The following DYNLRB1 variants were observed in gnomAD, a reference collection of about 807,000 sequenced individuals.
DYNLRB1 encodes the protein ROBL/LC7-like 1.
In DYNLRB1, 6 loss-of-function variants were observed where a neutral mutation model predicts 13.5. The ratio of observed to expected loss-of-function variants is 0.44; its 90% CI spans 0.24 to 0.88. DYNLRB1 has a LOEUF of 0.88. DYNLRB1 is among the 40% of genes least tolerant of loss of function. The pLI, the probability that DYNLRB1 is intolerant of heterozygous loss-of-function variation, is 0.21. For missense variants in DYNLRB1, 93 were observed against 127.2 expected, an observed-to-expected ratio of 0.73 and a Z score of 1.29; for synonymous variants, 43 against 45.0, an observed-to-expected ratio of 0.96 and a Z score of 0.18.
At chr20:34,523,829 C>T (rs1600541740) in intron 1 of DYNLRB1, among the ~76,000 whole-genome samples, 1 of 152,190 alleles carries the variant, frequency 6.6e-6, no homozygotes, top group African/African-American at 2.4e-5. Context: ...CAATGTCTGG[C>T]ATATGGAAGG....
chr20:34,538,955 C>T (rs1981382336), intron 3 of DYNLRB1, among the ~76,000 whole-genome samples: 1 of 152,214 alleles, frequency 6.6e-6, no homozygotes, highest in African/African-American at 2.4e-5. Context: ...GCTCCGTGTT[C>T]TCAGAGTGAC....
chr20:34,522,469 C>CTTTTTTTTTTTTTTTTTTTTTTT (rs771811577), intron 1 of DYNLRB1, among the ~76,000 whole-genome samples: 14 of 77,214 alleles, frequency 1.8e-4, no homozygotes, highest in African/African-American at 3.3e-4. Flanking sequence ...TTTTCTTTTT[C>CTTTTTTTTTTTTTTTTTTTTTTT]TTTTTTTTTT....
Position 34,521,537 on chromosome 20 carries a change from G to A in DYNLRB1, c.4-4731G>A, listed in dbSNP as rs1045079478. Among the ~76,000 whole-genome samples, 6 of 152,028 alleles carry A rather than the reference G, an allele frequency of 3.9e-5. No individual in the cohort carries two copies. In the East Asian group the frequency reaches 7.7e-4, roughly 20 times the overall value. On this transcript the variant is annotated intron_variant, in intron 1 of 3. Coordinates refer to ENST00000357156, the MANE Select transcript of DYNLRB1 (RefSeq NM_014183.4). ...TTCTTATACAGAAGTTTTATGTTTA[G>A]TGGTCAAATTGGTCATAGTTCTTTG... is the stretch of plus-strand genomic sequence containing the variant.
At chr20:34,528,344 A>AC (rs1980422664) in intron 2 of DYNLRB1, among the ~76,000 whole-genome samples, 1 of 146,710 alleles carries the variant, frequency 6.8e-6, no homozygotes, top group Admixed American at 6.8e-5. Context: ...AAAAAAAAAA[A>AC]CTACCCTACT....
chr20:34,538,563 G>GTAT (rs1439920911), intron 3 of DYNLRB1, among the ~76,000 whole-genome samples: 1 of 152,174 alleles, frequency 6.6e-6, no homozygotes, highest in East Asian at 1.9e-4. Context: ...ACCTGAAGTG[G>GTAT]TATTGTTGCA....
At chr20:34,528,425 T>C (rs921970863) in intron 2 of DYNLRB1, among the ~76,000 whole-genome samples, 3 of 151,150 alleles carry the variant, frequency 2.0e-5, no homozygotes, top group African/African-American at 7.3e-5. Flanking sequence ...GAGACACTGC[T>C]GCTGATAGAG....
intron 1 of DYNLRB1, 90 bp from the exon 2 acceptor site, chr20:34,526,178 G>T (rs1980190038): frequency 7.0e-7 from 1 of 1,419,294 alleles, no homozygotes. Context: ...TTTGTTGTTG[G>T]AAGACAAACG....
At chr20:34,530,254 A>T in intron 2 of DYNLRB1, 11 of 1,049,646 alleles carry the variant, frequency 1.0e-5, no homozygotes, top group Non-Finnish European at 1.1e-5. Context: ...GCTTTTTTGT[A>T]TACTCATGGG....
chr20:34,534,563 G>A (rs971218915), intron 2 of DYNLRB1, 65 bp from the exon 3 acceptor site: 1 of 1,507,884 alleles, frequency 6.6e-7, no homozygotes, highest in South Asian at 1.3e-5. Flanking sequence ...CCAATTAGGG[G>A]TGTGGGTGGG....
At chr20:34,529,016 G>A (rs1158787719) in intron 2 of DYNLRB1, among the ~76,000 whole-genome samples, 2 of 152,074 alleles carry the variant, frequency 1.3e-5, no homozygotes, top group African/African-American at 4.8e-5. Context: ...ACAATGAAGT[G>A]TGTAGGCCCT....
rs1290482271 is a variant in DYNLRB1 at position 34,528,323 on chromosome 20, A to AC, written c.79+1980_79+1981insC. ...CGAGACTCCGTCTCAAAAAAAAAAA[A>AC]AAAAAAAAAAAAAAAAAAAAACTAC... On this transcript the variant is annotated intron_variant, in intron 2 of 3. Coordinates refer to ENST00000357156, the MANE Select transcript of DYNLRB1 (RefSeq NM_014183.4). Among the ~76,000 whole-genome samples, 7 of 148,100 alleles carry AC rather than the reference A, an allele frequency of 4.7e-5. 2 individuals carry two copies. The highest frequency in any genetic ancestry group is 1.0e-4 in the Non-Finnish European group (7 of 67,046).
At chr20:34,515,936 C>T (rs1423609375), upstream of DYNLRB1, among the ~76,000 whole-genome samples, 1 of 152,104 alleles carries the variant, frequency 6.6e-6, no homozygotes, top group Admixed American at 6.5e-5. Flanking sequence ...GCTCTGTCGC[C>T]CAGGCTGGGG....
intron 2 of DYNLRB1, chr20:34,526,723 A>C: frequency 9.9e-6 from 2 of 202,110 alleles, no homozygotes; most frequent in Non-Finnish European, 2.0e-5. Context: ...GACCATAATC[A>C]TAGTTGTTAC....
intron 1 of DYNLRB1, among the ~76,000 whole-genome samples, chr20:34,525,895 C>G (rs1980160604): frequency 6.6e-6 from 1 of 152,224 alleles, no homozygotes; most frequent in African/African-American, 2.4e-5. Flanking sequence ...AGATACTACT[C>G]TCTGAGTTTT....
upstream of DYNLRB1, among the ~76,000 whole-genome samples, chr20:34,515,714 T>C (rs901808610): frequency 5.3e-5 from 8 of 152,184 alleles, no homozygotes; most frequent in Admixed American, 2.6e-4. Context: ...GGCCTCTCTC[T>C]GGCTCAGTCT....
At chr20:34,527,995 T>A (rs544307633) in intron 2 of DYNLRB1, among the ~76,000 whole-genome samples, 2 of 152,130 alleles carry the variant, frequency 1.3e-5, no homozygotes, top group South Asian at 4.1e-4. Context: ...TGGAAAGGGG[T>A]TTGGCCAATT....
intron 2 of DYNLRB1, among the ~76,000 whole-genome samples, chr20:34,528,948 A>G (rs1439430061): frequency 6.6e-6 from 1 of 151,928 alleles, no homozygotes; most frequent in East Asian, 1.9e-4. Context: ...CAAAGCTTTG[A>G]TTGCACTCCA....
intron 2 of DYNLRB1, among the ~76,000 whole-genome samples, chr20:34,529,039 C>T (rs1980490462): frequency 6.6e-6 from 1 of 152,098 alleles, no homozygotes; most frequent in Non-Finnish European, 1.5e-5. Flanking sequence ...AGTGCCCAGC[C>T]CAGGGGCTGC....
intron 1 of DYNLRB1, among the ~76,000 whole-genome samples, chr20:34,517,415 AC>A (rs1417778880): frequency 6.6e-6 from 1 of 152,138 alleles, no homozygotes; most frequent in Non-Finnish European, 1.5e-5. Context: ...CAATATCTCC[AC>A]ATCATTACAA....
Sources: gnomAD v4.1 joint callset for allele counts (sites outside exome capture counted in the v4.1 genomes callset) on GRCh38, gnomAD v4.1.1 for gene constraint, MANE v1.5 for transcripts, NCBI Gene and HGNC (gene_info 2026-07-23, HGNC 2026-07-21) for gene names.